Variants in PRKG1 observed in about 807,000 individuals in gnomAD.
The protein encoded by PRKG1 is protein kinase cGMP-dependent 1.
In PRKG1, 35 loss-of-function variants were observed where a neutral mutation model predicts 88.1. That is an observed-to-expected ratio of 0.40 (90% CI 0.30 to 0.53). The LOEUF (loss-of-function observed/expected upper bound fraction) is 0.53. Among genes scored for constraint, PRKG1 ranks in the 20% least tolerant of loss-of-function variants. PRKG1 has a pLI of 0.59. For synonymous variants in PRKG1, 303 were observed against 292.5 expected (o/e 1.04, Z -0.37); for missense variants, 540 against 839.8 (o/e 0.64, Z 4.41).
intron 3 of PRKG1, among the ~76,000 whole-genome samples, chr10:51,506,105 T>C (rs548079866): frequency 1.3e-5 from 2 of 152,222 alleles, no homozygotes; most frequent in Admixed American, 6.6e-5. Context: ...TAGCCATATG[T>C]AGAAAGCTGA....
chr10:50,991,708 T>G lies in PRKG1; in HGVS notation c.266+64T>G. Reference sequence around the variant, plus strand: ...CCCGCGGCGCAGAGGCTGGGGGCTCTGGCCGCGGCGGCGGGGGCGGGTCGG... The same window carrying G: ...CCCGCGGCGCAGAGGCTGGGGGCTCGGGCCGCGGCGGCGGGGGCGGGTCGG... On this transcript the variant is annotated intron_variant, in intron 1 of 17. Transcript: ENST00000401604. The surrounding 1 kb of genome is among the most constrained non-coding windows in gnomAD (Gnocchi z 4.5). The G allele has an allele frequency of 8.7e-6, 10 of 1,151,088 alleles. No homozygotes were observed. The highest frequency in any genetic ancestry group is 4.7e-5 in the East Asian group (1 of 21,254). The allele number at this position is 1,151,088 out of a possible 1,614,324, so 71.3% of individuals were successfully genotyped here. A position where few individuals can be genotyped will look rare whatever the true frequency, so the allele number is the denominator to read the frequency against.
At chr10:50,995,729 C>T (rs1842830480) in intron 1 of PRKG1, among the ~76,000 whole-genome samples, 1 of 152,190 alleles carries the variant, frequency 6.6e-6, no homozygotes, top group African/African-American at 2.4e-5. Flanking sequence ...TGCTCAGGAA[C>T]CGCACACAAT....
At chr10:51,093,203 T>C (rs905987924) in intron 1 of PRKG1, among the ~76,000 whole-genome samples, 2 of 152,188 alleles carry the variant, frequency 1.3e-5, no homozygotes, top group Admixed American at 1.3e-4. Context: ...GATTCTGAGA[T>C]ATCTCTCCAA....
chr10:51,270,006 C>T (rs1276232569), intron 2 of PRKG1, among the ~76,000 whole-genome samples: 2 of 152,150 alleles, frequency 1.3e-5, no homozygotes, highest in Non-Finnish European at 2.9e-5. Flanking sequence ...TTGCTCACAG[C>T]TTGAGGTGAA....
intron 2 of PRKG1, among the ~76,000 whole-genome samples, chr10:51,395,887 G>T (rs536737971): frequency 3.5e-4 from 53 of 152,272 alleles, no homozygotes; most frequent in African/African-American, 1.2e-3. Flanking sequence ...AAACATTTCT[G>T]CCCTAGAAAG....
At chr10:52,094,851 A>T (rs1000016518) in intron 7 of PRKG1, among the ~76,000 whole-genome samples, 1 of 152,170 alleles carries the variant, frequency 6.6e-6, no homozygotes, top group African/African-American at 2.4e-5. Context: ...CCAAGACCCC[A>T]TCTCCAAAGA....
chr10:51,357,455 G>A (rs1429719443), intron 2 of PRKG1, among the ~76,000 whole-genome samples: 3 of 151,960 alleles, frequency 2.0e-5, no homozygotes, highest in African/African-American at 7.2e-5. Context: ...TGAGGAGGCT[G>A]CACACCCTTC....
intron 1 of PRKG1, among the ~76,000 whole-genome samples, chr10:51,096,562 C>T (rs1303363232): frequency 5.9e-5 from 9 of 152,054 alleles, no homozygotes; most frequent in East Asian, 5.8e-4. Flanking sequence ...CATAGTATAC[C>T]GGGTAAGAGC....
intron 1 of PRKG1, among the ~76,000 whole-genome samples, chr10:51,014,770 T>C (rs1442279797): frequency 3.3e-5 from 5 of 152,228 alleles, no homozygotes; most frequent in Admixed American, 2.0e-4. Flanking sequence ...TCAATTAAAT[T>C]TTTTAAAGAA....
chr10:52,147,592 A>G (rs1326940985), intron 8 of PRKG1, among the ~76,000 whole-genome samples: 1 of 152,226 alleles, frequency 6.6e-6, no homozygotes, highest in Non-Finnish European at 1.5e-5. Context: ...GTAAGTGGTA[A>G]CTGGAAAGCG....
chr10:51,653,338 A>G (rs868091740), intron 3 of PRKG1, among the ~76,000 whole-genome samples: 15 of 152,168 alleles, frequency 9.9e-5, no homozygotes, highest in Non-Finnish European at 1.8e-4. Context: ...ACAGTGTACA[A>G]GGATTCCCTT....
chr10:52,065,845 G>T (rs1017038453), intron 7 of PRKG1, among the ~76,000 whole-genome samples: 3 of 152,092 alleles, frequency 2.0e-5, no homozygotes, highest in Non-Finnish European at 2.9e-5. Flanking sequence ...AAATCAGGTG[G>T]CATTTTATAG....
chr10:52,025,766 C>G (rs1336772556), intron 5 of PRKG1, among the ~76,000 whole-genome samples: 2 of 151,656 alleles, frequency 1.3e-5, no homozygotes, highest in East Asian at 3.9e-4. Context: ...AGAGTGATGC[C>G]TCCAGCTTAG....
intron 3 of PRKG1, among the ~76,000 whole-genome samples, chr10:51,799,323 T>C (rs141613020): frequency 6.6e-6 from 1 of 152,142 alleles, no homozygotes; most frequent in East Asian, 1.9e-4. Context: ...CATCTAACCA[T>C]TGTTGCTTTC....
chr10:51,098,589 C>G (rs10822210), intron 1 of PRKG1, among the ~76,000 whole-genome samples: 4,396 of 152,088 alleles, frequency 0.029, 167 homozygotes, highest in African/African-American at 0.083. Context: ...AGCAATGATG[C>G]TTTGGTAAAA....
intron 4 of PRKG1, among the ~76,000 whole-genome samples, chr10:51,834,388 CCAA>C (rs2132760226): frequency 6.6e-6 from 1 of 152,118 alleles, no homozygotes; most frequent in South Asian, 2.1e-4. Context: ...ACCTGTAATC[CCAA>C]CAACTTTGGG....
chr10:52,039,185 T>C (rs1845693558), intron 5 of PRKG1, among the ~76,000 whole-genome samples: 1 of 151,714 alleles, frequency 6.6e-6, no homozygotes, highest in African/African-American at 2.4e-5. Context: ...TTCACCCGGG[T>C]GCAGGCGGAC....
At chr10:52,132,667 T>G (rs1254368746) in intron 7 of PRKG1, among the ~76,000 whole-genome samples, 1 of 152,172 alleles carries the variant, frequency 6.6e-6, no homozygotes, top group Non-Finnish European at 1.5e-5. Flanking sequence ...TCATTTCATA[T>G]GTACCTATCT....
chr10:51,419,245 C>T (rs553578599), intron 2 of PRKG1, among the ~76,000 whole-genome samples: 3 of 152,010 alleles, frequency 2.0e-5, no homozygotes, highest in Non-Finnish European at 4.4e-5. Flanking sequence ...CACAGGTATA[C>T]AGCACAGGTG....
Sources: gnomAD v4.1 joint callset for allele counts (sites outside exome capture counted in the v4.1 genomes callset) on GRCh38, gnomAD v4.1.1 for gene constraint, Gnocchi (gnomAD v3.1) non-coding constraint, MANE v1.5 for transcripts, NCBI Gene and HGNC (gene_info 2026-07-23, HGNC 2026-07-21) for gene names.